Variants in AGMO observed in about 807,000 individuals in gnomAD.
The protein encoded by AGMO is glyceryl-ether monooxygenase.
AGMO carries 75 observed loss-of-function variants against 60.2 expected under a neutral mutation model. The ratio of observed to expected loss-of-function variants is 1.25; its 90% CI spans 1.03 to 1.51. The LOEUF (loss-of-function observed/expected upper bound fraction) is 1.51. Among genes scored for constraint, AGMO ranks in the 40% most tolerant of loss-of-function variants. AGMO has a pLI of 0.00. For synonymous variants in AGMO, 261 were observed against 177.1 expected, an observed-to-expected ratio of 1.47 and a Z score of -3.76; for missense variants, 763 against 525.5, an observed-to-expected ratio of 1.45 and a Z score of -4.42.
chr7:15,544,849 C>G lies in AGMO; in HGVS notation c.332G>C (p.Trp111Ser), dbSNP rs368456809. The G allele has an allele frequency of 6.2e-6, 10 of 1,609,864 alleles. No homozygotes were observed. The East Asian group carries it at 1.8e-4, about 29-fold the overall frequency. Residue 111 changes from tryptophan to serine, a missense_variant, in exon 3 of 13, where the codon TGG becomes TCG. Coordinates refer to ENST00000342526, the MANE Select transcript of AGMO (RefSeq NM_001004320.2). ...WENYRLFNLP[W>S]DSPWTWYSAF... The stretch of plus-strand genomic sequence containing the variant: ...TGAATACCAAGTCCATGGAGAATCC[C>G]AAGGCAAATTGAACAGCCTGTAGTT...
intron 2 of AGMO, among the ~76,000 whole-genome samples, chr7:15,549,059 C>A (rs1474203819): frequency 6.6e-6 from 1 of 150,464 alleles, no homozygotes; most frequent in Non-Finnish European, 1.5e-5. Context: ...TCATATCCAG[C>A]CAAACTAAGC....
At position 15,555,690 on chromosome 7, in the gene AGMO, C is replaced by G. The variant is rs182657596; in HGVS notation, c.257+4451G>C. Among the ~76,000 whole-genome samples, 6 of 152,042 alleles carry G rather than the reference C, an allele frequency of 3.9e-5. No homozygotes were observed. The East Asian group carries it at 9.7e-4, about 24-fold the overall frequency. ...AGAAATGAATTTGATACATTATTTA[C>G]TTTGCAGGAAATGTATTACTCAATT... On this transcript the variant is annotated intron_variant, in intron 2 of 12. Coordinates refer to ENST00000342526, the MANE Select transcript of AGMO (RefSeq NM_001004320.2).
chr7:15,370,088 T>C (rs1374223463), intron 10 of AGMO, among the ~76,000 whole-genome samples: 1 of 152,136 alleles, frequency 6.6e-6, no homozygotes, highest in African/African-American at 2.4e-5. Context: ...CCAGTGTCTA[T>C]TGTTGTCATC....
chr7:15,390,820 T>C lies in AGMO; in HGVS notation c.742+20A>G. 1 of 1,592,206 alleles carries C rather than the reference T, an allele frequency of 6.3e-7. No individual in the cohort carries two copies. Reference sequence around the variant, plus strand: ...TAAAGGAGCTGATTTAATTTTTTGATTTTAATACATTTTACTTACCAAAAA... The same window carrying C: ...TAAAGGAGCTGATTTAATTTTTTGACTTTAATACATTTTACTTACCAAAAA... On this transcript the variant is annotated intron_variant, in intron 7 of 12. Coordinates refer to ENST00000342526, the MANE Select transcript of AGMO (RefSeq NM_001004320.2).
At chr7:15,192,629 C>T in the AGMO span, among the ~76,000 whole-genome samples, 5 of 152,196 alleles carry the variant, frequency 3.3e-5, no homozygotes, top group Non-Finnish European at 5.9e-5. Flanking sequence ...AAGCTGTCAC[C>T]CTGACTCTCC....
chr7:15,511,908 A>G (rs1319456227), intron 3 of AGMO, among the ~76,000 whole-genome samples: 1 of 152,074 alleles, frequency 6.6e-6, no homozygotes, highest in East Asian at 1.9e-4. Context: ...CCAAGGAGAG[A>G]AGCCTCTTAA....
At chr7:15,354,345 C>CGTGTATATAGACAT (rs1782381983) in intron 12 of AGMO, among the ~76,000 whole-genome samples, 2 of 44,254 alleles carry the variant, frequency 4.5e-5, no homozygotes, top group South Asian at 1.9e-3. Flanking sequence ...TATATACACG[C>CGTGTATATAGACAT]GTGTATATAG....
chr7:15,431,955 C>T (rs890454664), intron 3 of AGMO, among the ~76,000 whole-genome samples: 1 of 151,658 alleles, frequency 6.6e-6, no homozygotes, highest in Non-Finnish European at 1.5e-5. Flanking sequence ...TTTTATTCTG[C>T]CCATATTTTA....
chr7:15,477,612 C>T (rs1377705145), intron 3 of AGMO, among the ~76,000 whole-genome samples: 1 of 152,058 alleles, frequency 6.6e-6, no homozygotes, highest in Non-Finnish European at 1.5e-5. Flanking sequence ...ATCTAAAATA[C>T]CAATGTGCAG....
intron 12 of AGMO, among the ~76,000 whole-genome samples, chr7:15,225,518 G>A (rs1297678282): frequency 6.6e-6 from 1 of 151,830 alleles, no homozygotes; most frequent in African/African-American, 2.4e-5. Flanking sequence ...CCTACCAGAA[G>A]TATAAATGTA....
At chr7:15,501,835 G>C (rs1407686433) in intron 3 of AGMO, among the ~76,000 whole-genome samples, 1 of 151,808 alleles carries the variant, frequency 6.6e-6, no homozygotes, top group Non-Finnish European at 1.5e-5. Context: ...AATAATCCCA[G>C]GGAAATAAAT....
intron 12 of AGMO, among the ~76,000 whole-genome samples, chr7:15,287,539 A>T (rs1784133212): frequency 6.6e-6 from 1 of 152,222 alleles, no homozygotes; most frequent in African/African-American, 2.4e-5. Context: ...TATCTTGCTA[A>T]GAAAGTCATG....
chr7:15,436,498 A>T (rs1303731831), intron 3 of AGMO, among the ~76,000 whole-genome samples: 1 of 152,160 alleles, frequency 6.6e-6, no homozygotes, highest in Non-Finnish European at 1.5e-5. Context: ...AACACCTCCC[A>T]TTAGGCCCCA....
intron 12 of AGMO, among the ~76,000 whole-genome samples, chr7:15,310,016 A>T (rs1410492987): frequency 6.6e-6 from 1 of 152,080 alleles, no homozygotes; most frequent in Non-Finnish European, 1.5e-5. Context: ...TTCTGTCTGG[A>T]AGGAAATATT....
At chr7:15,332,052 C>G (rs1450762890) in intron 12 of AGMO, among the ~76,000 whole-genome samples, 1 of 151,944 alleles carries the variant, frequency 6.6e-6, no homozygotes, top group Non-Finnish European at 1.5e-5. Context: ...AAAATGGAGA[C>G]GAGTGAAATC....
At chr7:15,225,649 C>T (rs867923975) in intron 12 of AGMO, among the ~76,000 whole-genome samples, 1 of 151,766 alleles carries the variant, frequency 6.6e-6, no homozygotes, top group African/African-American at 2.4e-5. Flanking sequence ...TTTTTTATAG[C>T]TGTTAATATT....
intron 5 of AGMO, among the ~76,000 whole-genome samples, chr7:15,418,192 T>C (rs996857314): frequency 1.3e-5 from 2 of 152,032 alleles, no homozygotes; most frequent in African/African-American, 2.4e-5. Flanking sequence ...ATTATAGATA[T>C]ATTTATATAT....
rs187243562 is a variant in AGMO at position 15,390,599 on chromosome 7, C to A, written c.822+72G>T. On this transcript the variant is annotated intron_variant, in intron 8 of 12. Coordinates refer to ENST00000342526, the MANE Select transcript of AGMO (RefSeq NM_001004320.2). ...GTAATATACTTTCACTTTTCTACAG[C>A]TGATTTTTCTCTTAACTATAAGATT... 1,001 of 1,225,878 alleles carry A rather than the reference C, an allele frequency of 8.2e-4. 6 individuals carry two copies. The African/African-American group carries it at 0.014, about 17-fold the overall frequency. 75.9% of individuals were successfully genotyped at this position (1,225,878 alleles called of 1,614,324 possible).
chr7:15,400,790 T>G (rs1334262212), intron 5 of AGMO, among the ~76,000 whole-genome samples: 1 of 152,210 alleles, frequency 6.6e-6, no homozygotes, highest in African/African-American at 2.4e-5. Context: ...ATAAGGTGAT[T>G]AAATTCTGGT....
Sources: gnomAD v4.1 joint callset for allele counts (sites outside exome capture counted in the v4.1 genomes callset) on GRCh38, gnomAD v4.1.1 for gene constraint, MANE v1.5 for transcripts, NCBI Gene and HGNC (gene_info 2026-07-23, HGNC 2026-07-21) for gene names.